The following ARK2N variants were observed in gnomAD, a reference collection of about 807,000 sequenced individuals.
ARK2N encodes protein ARK2N.
chr18:46,186,968 T>C, the ARK2N span, among the ~76,000 whole-genome samples: 1 of 151,240 alleles, frequency 6.6e-6, no homozygotes, highest in Admixed American at 6.6e-5. Context: ...GATTCTGCTG[T>C]CTCAGCCTCC....
the ARK2N span, among the ~76,000 whole-genome samples, chr18:46,242,535 G>A: frequency 6.6e-6 from 1 of 152,190 alleles, no homozygotes; most frequent in Admixed American, 6.5e-5. Context: ...AAAAGTATGT[G>A]AGGAGGAAAA....
chr18:46,197,783 A>T, the ARK2N span, among the ~76,000 whole-genome samples: 6,548 of 152,208 alleles, frequency 0.043, 363 homozygotes, highest in East Asian at 0.12. Context: ...CACTGATATA[A>T]ATAGCATTTC....
chr18:46,263,148 T>C, the ARK2N span: 1 of 1,549,514 alleles, frequency 6.5e-7, no homozygotes, highest in East Asian at 2.4e-5. Context: ...CTCTGCACTG[T>C]TCCCTTCCAC....
At chr18:46,219,367 G>C in the ARK2N span, 1 of 152,042 alleles carries the variant, frequency 6.6e-6, no homozygotes, top group Non-Finnish European at 1.5e-5. Flanking sequence ...ACTTAGAGTT[G>C]AGTAAAGGGC....
At chr18:46,235,065 C>G in the ARK2N span, among the ~76,000 whole-genome samples, 1 of 152,126 alleles carries the variant, frequency 6.6e-6, no homozygotes, top group Admixed American at 6.6e-5. Context: ...CTCTGGGTTA[C>G]AAGAATTATT....
chr18:46,222,950 G>GT, the ARK2N span, among the ~76,000 whole-genome samples: 1 of 152,162 alleles, frequency 6.6e-6, no homozygotes, highest in Admixed American at 6.5e-5. Context: ...TGATAAATGC[G>GT]TAAGTGGTTC....
At chr18:46,212,760 G>T in the ARK2N span, among the ~76,000 whole-genome samples, 1 of 151,818 alleles carries the variant, frequency 6.6e-6, no homozygotes, top group Non-Finnish European at 1.5e-5. Flanking sequence ...TTTTAACAGG[G>T]AAAAACAATC....
At chr18:46,241,458 A>G in the ARK2N span, among the ~76,000 whole-genome samples, 2 of 152,156 alleles carry the variant, frequency 1.3e-5, no homozygotes, top group Non-Finnish European at 2.9e-5. Context: ...ACAGTGGCTC[A>G]CGTCTGTAAG....
At chr18:46,246,147 A>G in the ARK2N span, among the ~76,000 whole-genome samples, 5 of 152,110 alleles carry the variant, frequency 3.3e-5, no homozygotes, top group African/African-American at 1.2e-4. Flanking sequence ...CACTGACAGT[A>G]TTTGAAGAAC....
At chr18:46,208,994 A>G in the ARK2N span, among the ~76,000 whole-genome samples, 6,558 of 152,278 alleles carry the variant, frequency 0.043, 366 homozygotes, top group East Asian at 0.12. Context: ...GCCAGCAAGA[A>G]GATAGGTACA....
the ARK2N span, among the ~76,000 whole-genome samples, chr18:46,227,489 A>T: frequency 6.6e-6 from 1 of 152,154 alleles, no homozygotes; most frequent in East Asian, 1.9e-4. Flanking sequence ...ATTGGAAGTT[A>T]ACTTTGGGGA....
chr18:46,182,987 T>G, the ARK2N span, among the ~76,000 whole-genome samples: 1 of 152,110 alleles, frequency 6.6e-6, no homozygotes, highest in Non-Finnish European at 1.5e-5. Flanking sequence ...GTATTAATAT[T>G]AGAGTTCCCT....
the ARK2N span, among the ~76,000 whole-genome samples, chr18:46,185,055 T>G: frequency 1.3e-5 from 2 of 152,252 alleles, no homozygotes; most frequent in African/African-American, 2.4e-5. Context: ...GAAATCATGT[T>G]GATTCTATGT....
the ARK2N span, among the ~76,000 whole-genome samples, chr18:46,242,502 C>A: frequency 3.2e-4 from 49 of 152,228 alleles, no homozygotes; most frequent in East Asian, 9.4e-3. Flanking sequence ...TACAACCATT[C>A]TTTTTAAGAA....
At chr18:46,185,042 T>C in the ARK2N span, among the ~76,000 whole-genome samples, 1 of 152,234 alleles carries the variant, frequency 6.6e-6, no homozygotes, top group African/African-American at 2.4e-5. Context: ...AGTTACTCTG[T>C]GAGAAATCAT....
At chr18:46,192,457 A>AT in the ARK2N span, among the ~76,000 whole-genome samples, 2 of 152,070 alleles carry the variant, frequency 1.3e-5, no homozygotes, top group African/African-American at 4.8e-5. Context: ...CATGCCTGTA[A>AT]TCCCAGCTAC....
chr18:46,195,638 A>G, the ARK2N span, among the ~76,000 whole-genome samples: 37 of 128,424 alleles, frequency 2.9e-4, no homozygotes, highest in African/African-American at 1.1e-3. Flanking sequence ...GTGCAGTGGC[A>G]CGATCTGGAC....
chr18:46,182,246 T>C, the ARK2N span, among the ~76,000 whole-genome samples: 1 of 152,240 alleles, frequency 6.6e-6, no homozygotes, highest in Non-Finnish European at 1.5e-5. Flanking sequence ...AACAGTTTAG[T>C]GTCAAGGGTT....
At chr18:46,188,759 T>A in the ARK2N span, among the ~76,000 whole-genome samples, 1 of 152,188 alleles carries the variant, frequency 6.6e-6, no homozygotes, top group Non-Finnish European at 1.5e-5. Flanking sequence ...ATGCCTATAG[T>A]CTCAGCACTT....
Sources: gnomAD v4.1 joint callset for allele counts (sites outside exome capture counted in the v4.1 genomes callset) on GRCh38, gnomAD v4.1.1 for gene constraint, MANE v1.5 for transcripts, NCBI Gene and HGNC (gene_info 2026-07-23, HGNC 2026-07-21) for gene names.